GORASP2: variants seen among roughly 807,000 people sequenced by gnomAD.
GORASP2 encodes golgi reassembly stacking protein 2, also known as Golgi reassembly-stacking protein 2.
GORASP2 carries 22 observed loss-of-function variants against 45.7 expected under a neutral mutation model. The ratio of observed to expected loss-of-function variants is 0.48; its 90% CI spans 0.34 to 0.69. The LOEUF (loss-of-function observed/expected upper bound fraction) is 0.69, where lower values mean the gene tolerates loss of function less well. Among genes scored for constraint, GORASP2 ranks in the 30% least tolerant of loss-of-function variants. The pLI is 0.01. For missense variants in GORASP2, 491 were observed against 562.7 expected (o/e 0.87, Z 1.29); for synonymous variants, 221 against 215.6 (o/e 1.02, Z -0.22).
chr2:170,946,190 A>G (rs889427512), intron 1 of GORASP2, among the ~76,000 whole-genome samples: 1 of 151,888 alleles, frequency 6.6e-6, no homozygotes, highest in Non-Finnish European at 1.5e-5. Context: ...TTTTTTGTAG[A>G]AACAGGGGTC....
At chr2:170,935,882 T>A (rs1703937881) in intron 1 of GORASP2, among the ~76,000 whole-genome samples, 1 of 152,152 alleles carries the variant, frequency 6.6e-6, no homozygotes, top group South Asian at 2.1e-4. Flanking sequence ...GGCCTGTATA[T>A]GCTTTCGTAC....
chr2:170,933,854 G>C (rs1703883649), intron 1 of GORASP2, among the ~76,000 whole-genome samples: 1 of 152,150 alleles, frequency 6.6e-6, no homozygotes, highest in African/African-American at 2.4e-5. Context: ...TGGATATTTT[G>C]AAGGAAGGGT....
chr2:170,960,869 C>T (rs1704541336), intron 7 of GORASP2, among the ~76,000 whole-genome samples: 1 of 152,114 alleles, frequency 6.6e-6, no homozygotes, highest in Non-Finnish European at 1.5e-5. Flanking sequence ...CAATTTATTC[C>T]CGCTACCATA....
chr2:170,953,452 G>A (rs1383928558), intron 5 of GORASP2, among the ~76,000 whole-genome samples: 1 of 152,188 alleles, frequency 6.6e-6, no homozygotes, highest in Non-Finnish European at 1.5e-5. Context: ...GATAATAGAT[G>A]ATGTGGCAGG....
chr2:170,929,550 C>A, intron 1 of GORASP2, 147 bp downstream of exon 1: 1 of 699,790 alleles, frequency 1.4e-6, no homozygotes, highest in Non-Finnish European at 2.2e-6. Flanking sequence ...TTGGTCGAGG[C>A]TGGTTCCGGA....
chr2:170,962,831 C>G lies in GORASP2; in HGVS notation c.911-8C>G. ...TTTCTCTTTTTTTCTTTTCTGCCTTCTCTTCAGGTCTGATGCCTTTACCAG... is the reference window on the plus strand; with the variant it reads ...TTTCTCTTTTTTTCTTTTCTGCCTTGTCTTCAGGTCTGATGCCTTTACCAG... On this transcript the variant is annotated splice_polypyrimidine_tract_variant and splice_region_variant and intron_variant, in intron 8 of 9. Coordinates refer to ENST00000234160, the MANE Select transcript of GORASP2 (RefSeq NM_015530.5). 6.3e-7 allele frequency: 1 copy of G among 1,588,194 alleles called. No individual in the cohort carries two copies.
chr2:170,963,385 A>AG (rs951776045), intron 9 of GORASP2, among the ~76,000 whole-genome samples: 2 of 151,208 alleles, frequency 1.3e-5, no homozygotes, highest in African/African-American at 4.9e-5. Flanking sequence ...AAAAAAAAAA[A>AG]AAAAAAGCTT....
intron 9 of GORASP2, among the ~76,000 whole-genome samples, chr2:170,964,574 A>C (rs144908680): frequency 0.011 from 1,667 of 152,064 alleles, 19 homozygotes; most frequent in Non-Finnish European, 0.016. Context: ...AATCGCTTGA[A>C]CCCAGGAGGC....
chr2:170,965,530 C>G (rs1704663889), intron 9 of GORASP2, among the ~76,000 whole-genome samples: 1 of 152,170 alleles, frequency 6.6e-6, no homozygotes, highest in African/African-American at 2.4e-5. Context: ...TATCTTTCTT[C>G]CCTGAGCCAG....
intron 1 of GORASP2, among the ~76,000 whole-genome samples, chr2:170,936,265 CACTA>C (rs1453552283): frequency 3.1e-5 from 4 of 131,138 alleles, no homozygotes; most frequent in Non-Finnish European, 4.7e-5. Context: ...CGCACTCTGT[CACTA>C]TGGCTGGAGT....
rs1704382669 is a variant in GORASP2 at position 170,954,725 on chromosome 2, T to G, written c.642T>G (p.Ser214=). Residue 214 remains serine, a synonymous_variant, in exon 6 of 10, where the codon TCT becomes TCG. Coordinates refer to ENST00000234160, the MANE Select transcript of GORASP2 (RefSeq NM_015530.5). ...CATTTGAGGAAGGAAAGAAAATTTC[T>G]CTTCCAGGACAAATGGCTGGTACAC... ...TRPFEEGKKI[S]LPGQMAGTPI... is the part of the protein sequence containing the mutation. 1 of 1,613,466 alleles carries G rather than the reference T, an allele frequency of 6.2e-7. No individual in the cohort carries two copies. Among genetic ancestry groups the G allele is most frequent in the Admixed American group, 1.7e-5 (1 of 60,010 alleles).
intron 1 of GORASP2, among the ~76,000 whole-genome samples, chr2:170,945,501 C>CAA (rs11396289): frequency 0.023 from 2,923 of 124,842 alleles, 75 homozygotes; most frequent in Admixed American, 0.069. Context: ...GACCTTGTCT[C>CAA]AAAAAAAAAA....
At chr2:170,949,837 G>C (rs890231962) in intron 3 of GORASP2, 95 bp downstream of exon 3, 17 of 1,107,936 alleles carry the variant, frequency 1.5e-5, no homozygotes, top group African/African-American at 4.7e-5. Flanking sequence ...AGATTGTAAG[G>C]ATATTATTAA....
At chr2:170,932,219 C>T (rs1393504314) in intron 1 of GORASP2, among the ~76,000 whole-genome samples, 1 of 152,048 alleles carries the variant, frequency 6.6e-6, no homozygotes, top group Non-Finnish European at 1.5e-5. Flanking sequence ...AAGAGTGAGA[C>T]TTCTTTTCAA....
chr2:170,944,029 T>G (rs920526312), intron 1 of GORASP2, among the ~76,000 whole-genome samples: 10 of 152,218 alleles, frequency 6.6e-5, no homozygotes, highest in African/African-American at 2.4e-4. Flanking sequence ...CTTTGATATT[T>G]GGCCCAGTAA....
At chr2:170,931,279 T>C (rs1278669430) in intron 1 of GORASP2, among the ~76,000 whole-genome samples, 1 of 152,242 alleles carries the variant, frequency 6.6e-6, no homozygotes, top group East Asian at 1.9e-4. Flanking sequence ...AGTAATGATC[T>C]AGTTTAGGAG....
chr2:170,962,519 A>G (rs1012233972), intron 8 of GORASP2, among the ~76,000 whole-genome samples: 19 of 152,346 alleles, frequency 1.2e-4, no homozygotes, highest in African/African-American at 4.6e-4. Context: ...TATCTGCCAT[A>G]TCTACTGAAA....
chr2:170,937,339 G>T (rs986781955), intron 1 of GORASP2, among the ~76,000 whole-genome samples: 2 of 152,260 alleles, frequency 1.3e-5, no homozygotes, highest in African/African-American at 4.8e-5. Context: ...CTTCCAAGTA[G>T]TTGGGACTAC....
chr2:170,966,550 G>C lies in GORASP2; in HGVS notation c.*420G>C, dbSNP rs748369727. The C allele has an allele frequency of 3.0e-4, 65 of 215,338 alleles. 1 individual carries two copies. Among genetic ancestry groups the C allele is most frequent in the Non-Finnish European group, 5.4e-4 (58 of 106,776 alleles). The allele number at this position is 215,338 out of a possible 1,614,324, so 13.3% of individuals were successfully genotyped here. A position where few individuals can be genotyped will look rare whatever the true frequency, so the allele number is the denominator to read the frequency against. The stretch of plus-strand genomic sequence containing the variant: ...TACTTTGTAAGTCGTTTGCGAGAAT[G>C]CAGACCACCTCACTAAACTGTAAAC... On this transcript the variant is annotated 3_prime_UTR_variant, in exon 10 of 10. Coordinates refer to ENST00000234160, the MANE Select transcript of GORASP2 (RefSeq NM_015530.5).
Sources: allele counts gnomAD v4.1 joint callset (sites outside exome capture counted in the v4.1 genomes callset), GRCh38; gene constraint gnomAD v4.1.1; transcripts MANE v1.5; gene names NCBI Gene and HGNC (gene_info 2026-07-23, HGNC 2026-07-21).